The following C8A variants were observed in gnomAD, a reference collection of about 807,000 sequenced individuals.
The protein encoded by C8A is complement C8 alpha chain, also known as complement component C8 alpha chain.
C8A carries 67 observed loss-of-function variants against 65.3 expected under a neutral mutation model. That is an observed-to-expected ratio of 1.03 (90% CI 0.84 to 1.26). The LOEUF is 1.26. Among genes scored for constraint, C8A ranks in the 50% most tolerant of loss-of-function variants. C8A has a pLI of 0.00. For missense variants in C8A, 781 were observed against 723.9 expected (o/e 1.08, Z -0.90); for synonymous variants, 290 against 259.4 (o/e 1.12, Z -1.13).
At chr1:56,883,406 A>T in intron 5 of C8A, 75 bp from the exon 6 acceptor site, 1 of 1,316,638 alleles carries the variant, frequency 7.6e-7, no homozygotes, top group Non-Finnish European at 1.1e-6. Flanking sequence ...TACAAAGCAA[A>T]GATTTAAGTA....
At chr1:56,885,197 G>T (rs1644279650) in intron 6 of C8A, among the ~76,000 whole-genome samples, 1 of 150,450 alleles carries the variant, frequency 6.6e-6, no homozygotes, top group Non-Finnish European at 1.5e-5. Context: ...GCACACATTG[G>T]TGCCTAGTAT....
At chr1:56,873,594 C>T (rs544137135) in intron 2 of C8A, among the ~76,000 whole-genome samples, 1 of 152,248 alleles carries the variant, frequency 6.6e-6, no homozygotes, top group East Asian at 1.9e-4. Context: ...CCACAAAGTA[C>T]CAGACACTGA....
intron 1 of C8A, among the ~76,000 whole-genome samples, chr1:56,855,643 T>G (rs1160904639): frequency 1.3e-5 from 2 of 152,022 alleles, no homozygotes; most frequent in African/African-American, 4.8e-5. Context: ...TGGGTTTTTT[T>G]TTTTTGGTAT....
At chr1:56,907,697 C>T (rs1373673564) in intron 8 of C8A, among the ~76,000 whole-genome samples, 2 of 152,186 alleles carry the variant, frequency 1.3e-5, no homozygotes, top group African/African-American at 4.8e-5. Flanking sequence ...TGAATGACCA[C>T]CCATTTCCTG....
intron 7 of C8A, among the ~76,000 whole-genome samples, chr1:56,905,600 T>G (rs1244445907): frequency 6.6e-6 from 1 of 152,234 alleles, no homozygotes; most frequent in Admixed American, 6.5e-5. Context: ...CAAATAAACT[T>G]TGATGCTCAA....
Position 56,854,911 on chromosome 1 carries a change from G to A in C8A, c.10G>A (p.Val4Ile). Residue 4 changes from valine (V) to isoleucine (I), a missense_variant, in exon 1 of 11, where the codon GTT (valine) becomes ATT (isoleucine). By Grantham distance (29) the Val-to-Ile change is conservative. Coordinates refer to ENST00000361249, the MANE Select transcript of C8A (RefSeq NM_000562.3). MFA[V>I]VFFILSLMTC... is the part of the protein sequence containing the mutation. ...GTGGCTTCTGGCTGAGATGTTTGCT[G>A]TTGTTTTCTTCATCTTGTCTTTGAT... 1 of 1,613,524 alleles carries A rather than the reference G, an allele frequency of 6.2e-7. No individual in the cohort carries two copies. The highest frequency in any genetic ancestry group is 2.2e-5 in the East Asian group (1 of 44,872).
chr1:56,900,070 G>C (rs1422202341), intron 7 of C8A, among the ~76,000 whole-genome samples: 2 of 152,188 alleles, frequency 1.3e-5, no homozygotes. Context: ...GAAGACATGG[G>C]ACTGTAGTCA....
intron 10 of C8A, 35 bp from the exon 11 acceptor site, chr1:56,917,530 C>A (rs780728767): frequency 6.2e-7 from 1 of 1,613,260 alleles, no homozygotes; most frequent in African/African-American, 1.3e-5. Flanking sequence ...TAGCCATATG[C>A]TAACCTTCTC....
chr1:56,857,953 G>T (rs1472717177), intron 1 of C8A, among the ~76,000 whole-genome samples: 1 of 151,872 alleles, frequency 6.6e-6, no homozygotes, highest in Non-Finnish European at 1.5e-5. Flanking sequence ...TTTATTTTCT[G>T]TTTCATTTTG....
rs562259249 is a variant in C8A at position 56,856,855 on chromosome 1, A to G, written c.77+1877A>G. Reference sequence around the variant, plus strand: ...ACAGTTGCTTATTATAAAATCTTAAAAATGTGTTATTTGAGAAAAACATTT... The same window carrying G: ...ACAGTTGCTTATTATAAAATCTTAAGAATGTGTTATTTGAGAAAAACATTT... On this transcript the variant is annotated intron_variant, in intron 1 of 10. Transcript: ENST00000361249. 3.6e-4 allele frequency among the ~76,000 whole-genome samples: 54 copies of G among 151,898 alleles called. No homozygotes were observed. The South Asian group carries it at 4.8e-3, about 13-fold the overall frequency.
chr1:56,876,886 A>C (rs1453520356), intron 4 of C8A, among the ~76,000 whole-genome samples: 2 of 152,078 alleles, frequency 1.3e-5, no homozygotes, highest in Admixed American at 6.6e-5. Flanking sequence ...CTCCTCATCT[A>C]ATGTTCTGCA....
At chr1:56,857,476 T>C (rs1486249590) in intron 1 of C8A, among the ~76,000 whole-genome samples, 1 of 152,030 alleles carries the variant, frequency 6.6e-6, no homozygotes, top group Non-Finnish European at 1.5e-5. Flanking sequence ...GATCTGTGTG[T>C]GCATGGCAAA....
intron 1 of C8A, among the ~76,000 whole-genome samples, chr1:56,866,813 T>C (rs1189992136): frequency 6.6e-6 from 1 of 152,186 alleles, no homozygotes; most frequent in African/African-American, 2.4e-5. Context: ...GGGGGAAGTA[T>C]AGGGTAAGAG....
intron 1 of C8A, among the ~76,000 whole-genome samples, chr1:56,862,819 G>A (rs375686907): frequency 1.3e-5 from 2 of 152,070 alleles, no homozygotes; most frequent in Admixed American, 6.6e-5. Context: ...AGATTTATTA[G>A]GCCATGGAAT....
intron 7 of C8A, among the ~76,000 whole-genome samples, chr1:56,887,096 A>G (rs1195244393): frequency 6.6e-6 from 1 of 152,170 alleles, no homozygotes; most frequent in Non-Finnish European, 1.5e-5. Flanking sequence ...CATATTGCAA[A>G]GCCAAGTTCA....
intron 10 of C8A, among the ~76,000 whole-genome samples, chr1:56,916,959 T>A (rs77710785): frequency 0.064 from 9,789 of 152,196 alleles, 470 homozygotes; most frequent in Middle Eastern, 0.12. Context: ...AGCTTAGCAA[T>A]CCTCTCCAGG....
intron 7 of C8A, among the ~76,000 whole-genome samples, chr1:56,886,657 G>T (rs1644302750): frequency 1.3e-5 from 2 of 151,984 alleles, no homozygotes; most frequent in Admixed American, 6.6e-5. Flanking sequence ...GTATGCTGGG[G>T]TCTCATCTTT....
At chr1:56,907,680 G>T (rs900376433) in intron 8 of C8A, among the ~76,000 whole-genome samples, 2 of 152,198 alleles carry the variant, frequency 1.3e-5, no homozygotes, top group Non-Finnish European at 2.9e-5. Flanking sequence ...GTGAATGAAT[G>T]AATAAATGAA....
intron 10 of C8A, among the ~76,000 whole-genome samples, chr1:56,913,926 C>T (rs147663577): frequency 4.9e-4 from 75 of 152,268 alleles, no homozygotes; most frequent in African/African-American, 1.4e-3. Context: ...CTGATACAGA[C>T]GGCCCCACAG....
Sources: gnomAD v4.1 joint callset for allele counts (sites outside exome capture counted in the v4.1 genomes callset) on GRCh38, gnomAD v4.1.1 for gene constraint, MANE v1.5 for transcripts, NCBI Gene and HGNC (gene_info 2026-07-23, HGNC 2026-07-21) for gene names.